CDH5: variants seen among roughly 807,000 people sequenced by gnomAD.
CDH5 encodes the protein cadherin 5.
Under a neutral mutation model 62.0 loss-of-function variants are expected in CDH5, and 28 were observed. The observed-to-expected ratio is 0.45, with a 90% CI of 0.33 to 0.62. CDH5 has a LOEUF of 0.62. Ranked by LOEUF, CDH5 falls within the 20% of genes least tolerant of loss-of-function variation. The pLI is 0.02. For missense variants in CDH5, 940 were observed against 1,065.1 expected (o/e 0.88, Z 1.63); for synonymous variants, 464 against 445.8 (o/e 1.04, Z -0.52).
At chr16:66,388,874 G>T (rs1961031597) in intron 4 of CDH5, among the ~76,000 whole-genome samples, 1 of 152,166 alleles carries the variant, frequency 6.6e-6, no homozygotes, top group South Asian at 2.1e-4. Context: ...TCGTATGGTA[G>T]CTGTAAAGTT....
chr16:66,386,082 AGAGGTTAAGT>A lies in CDH5; in HGVS notation c.211-724_211-715del, dbSNP rs548146793. Among the ~76,000 whole-genome samples the A allele has an allele frequency of 4.6e-3, 707 of 152,328 alleles. 7 individuals are homozygous for A. The highest frequency in any genetic ancestry group is 5.3e-3 in the Non-Finnish European group (363 of 68,034). ...TACAAATGAGGCAACTAAAACTTAG[AGAGGTTAAGT>A]GACTTCTACAGGGCAAAAATATCCT... On this transcript the variant is annotated intron_variant, in intron 2 of 11. Transcript: ENST00000341529.
rs80302962 is a variant in CDH5 at position 66,398,950 on chromosome 16, G to A, written c.1591+389G>A. Among the ~76,000 whole-genome samples the A allele has an allele frequency of 9.6e-4, 146 of 152,290 alleles. 1 individual carries two copies. The East Asian group carries it at 0.026, about 27-fold the overall frequency. ...ACTCCATCCAAACTCCCAAGTCCAC[G>A]TCGCCTGCAAGGAGCCAGCGAGGAG... On this transcript the variant is annotated intron_variant, in intron 10 of 11. Transcript: ENST00000341529.
Position 66,394,867 on chromosome 16 carries a change from G to A in CDH5, c.1218-1192G>A, listed in dbSNP as rs868313827. Among the ~76,000 whole-genome samples the A allele has an allele frequency of 2.7e-5, 4 of 148,416 alleles. No homozygotes were observed. In the South Asian group the frequency reaches 6.4e-4, roughly 24 times the overall value. ...GTTCTTTGCCTTTTTTGGGGGGTGG[G>A]GGGGACAGGTTCTTCCTCTGTCACC... On this transcript the variant is annotated intron_variant, in intron 7 of 11. Coordinates refer to ENST00000341529, the MANE Select transcript of CDH5 (RefSeq NM_001795.5).
chr16:66,400,859 T>C lies in CDH5; in HGVS notation c.1680T>C (p.Asn560=). 6.2e-7 allele frequency: 1 copy of C among 1,614,166 alleles called. No homozygotes were observed. Among genetic ancestry groups the C allele is most frequent in the South Asian group, 1.1e-5 (1 of 91,086 alleles). The change falls in exon 11 of 12, where the codon AAT becomes AAC. Residue 560 remains asparagine (N), a synonymous_variant. Coordinates refer to ENST00000341529, the MANE Select transcript of CDH5 (RefSeq NM_001795.5). ...TCCTACCCGTGGTCATCTCAGACAA[T>C]GGGATGCCAAGTCGCACGGGCACCA... The part of the protein sequence containing the change: ...VHFLPVVISD[N]GMPSRTGTST...
In CDH5 at chr16:66,374,423, C is replaced by T. The variant is rs78556544; in HGVS notation, c.-19-4896C>T. Among the ~76,000 whole-genome samples the T allele has an allele frequency of 3.5e-3, 533 of 152,280 alleles. 27 individuals carry two copies. The East Asian group carries it at 0.089, about 25-fold the overall frequency. On this transcript the variant is annotated intron_variant, in intron 1 of 11. Coordinates refer to ENST00000341529, the MANE Select transcript of CDH5 (RefSeq NM_001795.5). ...ACACAGCTGCTGTGAGGTGACTCTG[C>T]GAGAGCCAGTCTCAGCCCTGTCAGA...
intron 2 of CDH5, among the ~76,000 whole-genome samples, chr16:66,380,939 A>T (rs1960887746): frequency 6.6e-6 from 1 of 152,092 alleles, no homozygotes; most frequent in Non-Finnish European, 1.5e-5. Flanking sequence ...AATTTCTCCC[A>T]GACCTTGGTC....
rs752617680 is a variant in CDH5 at position 66,379,418 on chromosome 16, T to G, written c.81T>G (p.Gly27=). ...LLAVAAVAAA[G]ANPAQRDTHS... The stretch of plus-strand genomic sequence containing the variant: ...CAGTGGCAGCAGTGGCAGCAGCAGG[T>G]GCTAACCCTGCCCAACGGGACACCC... The change falls in exon 2 of 12, where the codon GGT becomes GGG. Residue 27 remains glycine (G), a synonymous_variant. Transcript: ENST00000341529. The G allele has an allele frequency of 1.9e-6, 3 of 1,613,924 alleles. No homozygotes were observed. The highest frequency in any genetic ancestry group is 1.7e-6 in the Non-Finnish European group (2 of 1,180,008).
chr16:66,382,812 T>C (rs919898623), intron 2 of CDH5, among the ~76,000 whole-genome samples: 39 of 152,166 alleles, frequency 2.6e-4, no homozygotes, highest in African/African-American at 9.4e-4. Flanking sequence ...GGATGTAATC[T>C]GAGGGAAGGA....
chr16:66,367,170 C>T (rs1471213603), intron 1 of CDH5, among the ~76,000 whole-genome samples: 2 of 152,230 alleles, frequency 1.3e-5, no homozygotes, highest in African/African-American at 2.4e-5. Flanking sequence ...GAGGATTTAC[C>T]AAGGCCTGAC....
At chr16:66,375,049 CAG>C (rs1433936937) in intron 1 of CDH5, among the ~76,000 whole-genome samples, 4 of 152,020 alleles carry the variant, frequency 2.6e-5, no homozygotes, top group Non-Finnish European at 5.9e-5. Flanking sequence ...GTGCAAACAT[CAG>C]AGAGTGTGCT....
chr16:66,375,862 C>T (rs1305635031), intron 1 of CDH5, among the ~76,000 whole-genome samples: 1 of 151,368 alleles, frequency 6.6e-6, no homozygotes, highest in Non-Finnish European at 1.5e-5. Context: ...AATCCCAGCA[C>T]TTTGGGAGGC....
rs746556861 is a variant in CDH5 at position 66,402,995 on chromosome 16, G to A, written c.2181G>A (p.Thr727=). ...DHDGDGPPYD[T]LHIYGYEGSE... ...ACGGCGACGGCCCCCCCTACGACAC[G>A]CTGCACATCTACGGCTACGAGGGCT... The change falls in exon 12 of 12, where the codon ACG becomes ACA. Residue 727 remains threonine (T), a synonymous_variant. Transcript: ENST00000341529. The A allele has an allele frequency of 1.9e-6, 3 of 1,613,282 alleles. No homozygotes were observed. The highest frequency in any genetic ancestry group is 2.7e-5 in the African/African-American group (2 of 74,894).
chr16:66,384,758 G>A (rs1283903395), intron 2 of CDH5, among the ~76,000 whole-genome samples: 4 of 151,582 alleles, frequency 2.6e-5, no homozygotes, highest in African/African-American at 9.7e-5. Context: ...TTGAGGTCAG[G>A]AGTTTGAGAC....
chr16:66,389,667 G>A (rs1276720460), intron 5 of CDH5, 145 bp downstream of exon 5: 2 of 636,690 alleles, frequency 3.1e-6, no homozygotes, highest in Non-Finnish European at 5.0e-6. Context: ...TCCTTTGGGT[G>A]AAGGGAGGGG....
chr16:66,396,958 T>A (rs1320865358), intron 8 of CDH5, among the ~76,000 whole-genome samples: 1 of 152,212 alleles, frequency 6.6e-6, no homozygotes. Flanking sequence ...TCTTTGCTTC[T>A]TTCTCCTCCA....
chr16:66,368,420 C>A (rs886861744), intron 1 of CDH5, among the ~76,000 whole-genome samples: 1 of 152,154 alleles, frequency 6.6e-6, no homozygotes, highest in East Asian at 1.9e-4. Flanking sequence ...TTAAGCTGCC[C>A]GCCTGCAGCC....
chr16:66,390,385 G>T lies in CDH5; in HGVS notation c.782-18G>T. 1.9e-6 allele frequency: 3 copies of T among 1,599,264 alleles called. No individual in the cohort carries two copies. The highest frequency in any genetic ancestry group is 2.6e-6 in the Non-Finnish European group (3 of 1,170,090). On this transcript the variant is annotated intron_variant, in intron 5 of 11. Coordinates refer to ENST00000341529, the MANE Select transcript of CDH5 (RefSeq NM_001795.5). Reference sequence around the variant, plus strand: ...TCTCATTAACCCAAAGCCCTTTGGGGTGCTCTGTTTGCATCAGCCAAGTAC... The same window carrying T: ...TCTCATTAACCCAAAGCCCTTTGGGTTGCTCTGTTTGCATCAGCCAAGTAC...
At chr16:66,396,011 A>T in intron 7 of CDH5, 48 bp from the exon 8 acceptor site, 2 of 1,594,400 alleles carry the variant, frequency 1.3e-6, no homozygotes, top group Non-Finnish European at 1.7e-6. Flanking sequence ...AGGAGTGTAG[A>T]CTCAGCAAAG....
At chr16:66,398,389 G>A (rs932429481) in intron 9 of CDH5, 67 bp from the exon 10 acceptor site, 23 of 1,043,182 alleles carry the variant, frequency 2.2e-5, no homozygotes, top group African/African-American at 1.4e-4. Flanking sequence ...AGGCTCCATC[G>A]CTAAACCTCA....
Sources: allele counts gnomAD v4.1 joint callset (sites outside exome capture counted in the v4.1 genomes callset), GRCh38; gene constraint gnomAD v4.1.1; transcripts MANE v1.5; gene names NCBI Gene and HGNC (gene_info 2026-07-23, HGNC 2026-07-21).